ACSBG2: variants seen among roughly 807,000 people sequenced by gnomAD.
ACSBG2 encodes the protein acyl-CoA synthetase bubblegum family member 2, also known as long-chain-fatty-acid--CoA ligase ACSBG2.
Under a neutral mutation model 74.7 loss-of-function variants are expected in ACSBG2, and 62 were observed. That is an observed-to-expected ratio of 0.83 (90% CI 0.68 to 1.03). The LOEUF is 1.03. ACSBG2 is among the 50% of genes least tolerant of loss of function. ACSBG2 has a pLI of 0.00. For missense variants in ACSBG2, 730 were observed against 817.6 expected, an observed-to-expected ratio of 0.89 and a Z score of 1.31; for synonymous variants, 309 against 294.1, an observed-to-expected ratio of 1.05 and a Z score of -0.52.
intron 2 of ACSBG2, among the ~76,000 whole-genome samples, chr19:6,142,752 C>CAAAAA (rs34759552): frequency 1.7e-5 from 2 of 115,908 alleles, no homozygotes; most frequent in African/African-American, 7.3e-5. Flanking sequence ...GACTCTGTCT[C>CAAAAA]AAAAAAAAAA....
At chr19:6,175,081 T>C (rs2090057772) in intron 7 of ACSBG2, among the ~76,000 whole-genome samples, 2 of 152,146 alleles carry the variant, frequency 1.3e-5, no homozygotes, top group African/African-American at 4.8e-5. Flanking sequence ...TCTAAACCAT[T>C]GTACATCATA....
At chr19:6,138,239 C>T (rs1290875273) in intron 1 of ACSBG2, among the ~76,000 whole-genome samples, 3 of 152,052 alleles carry the variant, frequency 2.0e-5, no homozygotes, top group East Asian at 1.9e-4. Context: ...TTCTTCATGT[C>T]GTCTGAGACA....
chr19:6,147,937 A>C (rs2089100917), intron 3 of ACSBG2, among the ~76,000 whole-genome samples: 1 of 152,218 alleles, frequency 6.6e-6, no homozygotes, highest in African/African-American at 2.4e-5. Flanking sequence ...AATTTTTTAC[A>C]CACATAATAG....
chr19:6,137,286 C>CAAAAAT (rs1314895977), intron 1 of ACSBG2: 3 of 141,348 alleles, frequency 2.1e-5, no homozygotes, highest in Non-Finnish European at 3.0e-5. Flanking sequence ...CCCAGCTCTA[C>CAAAAAT]AAAAATAAAA....
chr19:6,144,158 T>C (rs1040895304), intron 2 of ACSBG2, among the ~76,000 whole-genome samples: 32 of 152,062 alleles, frequency 2.1e-4, no homozygotes, highest in African/African-American at 7.5e-4. Context: ...CCACCACGCC[T>C]GGCTAATTTT....
chr19:6,154,646 G>C (rs918222262), intron 4 of ACSBG2, among the ~76,000 whole-genome samples: 1 of 151,534 alleles, frequency 6.6e-6, no homozygotes, highest in African/African-American at 2.4e-5. Flanking sequence ...CAAGTAGCTG[G>C]GACTACAGGC....
chr19:6,147,315 A>G (rs1474786316), intron 2 of ACSBG2, 131 bp from the exon 3 acceptor site: 7 of 686,976 alleles, frequency 1.0e-5, no homozygotes, highest in East Asian at 2.7e-5. Context: ...TGTTGACCAC[A>G]TAACTTCACC....
intron 11 of ACSBG2, among the ~76,000 whole-genome samples, chr19:6,186,323 G>A (rs1325250374): frequency 6.6e-6 from 1 of 152,152 alleles, no homozygotes. Flanking sequence ...CATAAAGAAT[G>A]GGTGTGGCCA....
chr19:6,176,498 A>C, intron 7 of ACSBG2: 1 of 846,918 alleles, frequency 1.2e-6, no homozygotes, highest in Non-Finnish European at 1.7e-6. Flanking sequence ...AAAAAACAAC[A>C]CACACACACA....
chr19:6,175,597 G>A (rs1190296090), intron 7 of ACSBG2, among the ~76,000 whole-genome samples: 1 of 152,128 alleles, frequency 6.6e-6, no homozygotes, highest in Non-Finnish European at 1.5e-5. Flanking sequence ...CAAGCAGGGG[G>A]AATAGCCAGT....
intron 6 of ACSBG2, 48 bp downstream of exon 6, chr19:6,161,343 C>T: frequency 6.4e-7 from 1 of 1,570,830 alleles, no homozygotes; most frequent in Non-Finnish European, 8.7e-7. Flanking sequence ...CGGGGCCTTG[C>T]AAGAAAAGTG....
chr19:6,163,516 G>A (rs2089695134), intron 6 of ACSBG2, among the ~76,000 whole-genome samples: 1 of 149,540 alleles, frequency 6.7e-6, no homozygotes, highest in South Asian at 2.1e-4. Flanking sequence ...CGAGGTGGGT[G>A]GATAACCTGA....
At chr19:6,190,390 C>A in intron 13 of ACSBG2, 194 bp from the exon 14 acceptor site, 1 of 555,122 alleles carries the variant, frequency 1.8e-6, no homozygotes, top group East Asian at 3.2e-5. Flanking sequence ...ACAGAATCCT[C>A]ACCACAGCTG....
chr19:6,179,338 T>C (rs77176379), intron 8 of ACSBG2, among the ~76,000 whole-genome samples: 12,216 of 150,028 alleles, frequency 0.081, 914 homozygotes, highest in African/African-American at 0.19. Context: ...CGTGCTCTGT[T>C]ACCCAGCCTG....
chr19:6,137,213 G>GC (rs2088607925), intron 1 of ACSBG2: 1 of 126,728 alleles, frequency 7.9e-6, no homozygotes, highest in Non-Finnish European at 1.6e-5. Context: ...CGGGGTTGGG[G>GC]GGGGGGGGGG....
intron 13 of ACSBG2, 116 bp downstream of exon 13, chr19:6,187,961 C>T (rs2145279016): frequency 2.0e-6 from 3 of 1,474,658 alleles, no homozygotes; most frequent in East Asian, 4.5e-5. Flanking sequence ...AGCCAGGGAC[C>T]AGGAGAGGGA....
chr19:6,147,655 G>C lies in ACSBG2; in HGVS notation c.277G>C (p.Ala93Pro). The change falls in exon 3 of 15, where the codon GCT (alanine) becomes CCT (proline). Residue 93 changes from alanine to proline, a missense_variant. Transcript: ENST00000588485. ...FNQYYEACRK[A>P]AKSLIKLGLE... ...CCAGTACTATGAGGCTTGTCGGAAG[G>C]CTGCAAAATCCTTGATCAAGGTAAG... The C allele has an allele frequency of 6.2e-7, 1 of 1,614,140 alleles. No homozygotes were observed. Among genetic ancestry groups the C allele is most frequent in the Non-Finnish European group, 8.5e-7 (1 of 1,179,970 alleles).
chr19:6,176,316 A>G (rs1568245270), intron 7 of ACSBG2: 6 of 1,405,896 alleles, frequency 4.3e-6, no homozygotes, highest in African/African-American at 3.0e-5. Flanking sequence ...GAGCGCCCCA[A>G]TCTTTATGGG....
At chr19:6,181,127 G>A (rs893590276) in intron 8 of ACSBG2, among the ~76,000 whole-genome samples, 1 of 149,418 alleles carries the variant, frequency 6.7e-6, no homozygotes, top group Non-Finnish European at 1.5e-5. Context: ...AGGAGGCTGA[G>A]ACAGGAGAAT....
Sources: gnomAD v4.1 joint callset for allele counts (sites outside exome capture counted in the v4.1 genomes callset) on GRCh38, gnomAD v4.1.1 for gene constraint, MANE v1.5 for transcripts, NCBI Gene and HGNC (gene_info 2026-07-23, HGNC 2026-07-21) for gene names.